The following LIMCH1 variants were observed in gnomAD, a reference collection of about 807,000 sequenced individuals.
LIMCH1 encodes LIM and calponin homology domains 1, also known as LIM and calponin homology domains-containing protein 1.
In LIMCH1, 113 loss-of-function variants were observed where a neutral mutation model predicts 176.5. The ratio of observed to expected loss-of-function variants is 0.64; its 90% CI spans 0.55 to 0.75. LIMCH1 has a LOEUF of 0.75. LIMCH1 is among the 30% of genes least tolerant of loss of function. The pLI is 0.00. For missense variants in LIMCH1, 1,674 were observed against 1,814.9 expected, an observed-to-expected ratio of 0.92 and a Z score of 1.41; for synonymous variants, 619 against 645.9, an observed-to-expected ratio of 0.96 and a Z score of 0.63.
chr4:41,588,741 C>G (rs2086930157), intron 1 of LIMCH1, among the ~76,000 whole-genome samples: 1 of 152,190 alleles, frequency 6.6e-6, no homozygotes, highest in African/African-American at 2.4e-5. Flanking sequence ...AGCTGGGCAA[C>G]CACAGGCCTC....
At chr4:41,404,304 G>T (rs567019013) in intron 1 of LIMCH1, among the ~76,000 whole-genome samples, 16 of 150,940 alleles carry the variant, frequency 1.1e-4, no homozygotes, top group Non-Finnish European at 2.1e-4. Flanking sequence ...CCACCTGCAG[G>T]TGGGGAGGGG....
chr4:41,455,601 T>C (rs2064488191), intron 1 of LIMCH1, among the ~76,000 whole-genome samples: 1 of 152,156 alleles, frequency 6.6e-6, no homozygotes, highest in South Asian at 2.1e-4. Flanking sequence ...AGTTATTTCA[T>C]ACGCTGCCTA....
At chr4:41,510,925 G>T (rs2074828958) in intron 2 of LIMCH1, among the ~76,000 whole-genome samples, 1 of 152,320 alleles carries the variant, frequency 6.6e-6, no homozygotes, top group Middle Eastern at 3.4e-3. Flanking sequence ...TGAAGAAATA[G>T]ACTTCCTTCT....
At chr4:41,448,535 A>AT (rs397880864) in intron 1 of LIMCH1, among the ~76,000 whole-genome samples, 23 of 149,166 alleles carry the variant, frequency 1.5e-4, no homozygotes, top group East Asian at 7.8e-4. Context: ...CAATTCATTA[A>AT]TTTTTTTTTT....
chr4:41,427,885 C>G (rs1398455629), intron 1 of LIMCH1, among the ~76,000 whole-genome samples: 1 of 151,298 alleles, frequency 6.6e-6, no homozygotes, highest in Non-Finnish European at 1.5e-5. Flanking sequence ...TTGTCTAGTC[C>G]TTAGAGCTTA....
chr4:41,663,852 T>TAAAAAAAAAAAAAAAAAA (rs34659309), intron 20 of LIMCH1, among the ~76,000 whole-genome samples: 2 of 82,762 alleles, frequency 2.4e-5, no homozygotes, highest in African/African-American at 5.3e-5. Flanking sequence ...TCTTCATCTC[T>TAAAAAAAAAAAAAAAAAA]AAAAAAAAAA....
intron 1 of LIMCH1, among the ~76,000 whole-genome samples, chr4:41,394,682 A>T (rs2154113235): frequency 1.3e-5 from 2 of 152,308 alleles, no homozygotes; most frequent in Middle Eastern, 3.4e-3. Context: ...TTCCCCTGGA[A>T]ATCACATGTT....
At chr4:41,411,188 G>A (rs913388059) in intron 1 of LIMCH1, among the ~76,000 whole-genome samples, 6 of 152,180 alleles carry the variant, frequency 3.9e-5, no homozygotes, top group Admixed American at 1.3e-4. Flanking sequence ...AGGCAGTCTG[G>A]CTCCAGAGCC....
intron 1 of LIMCH1, among the ~76,000 whole-genome samples, chr4:41,380,141 A>G (rs146493585): frequency 0.01 from 1,540 of 152,038 alleles, 25 homozygotes; most frequent in African/African-American, 0.036. Flanking sequence ...TACCACCACC[A>G]CCAAACAATA....
chr4:41,692,135 T>TG, intron 30 of LIMCH1, 147 bp from the exon 31 acceptor site: 2 of 587,096 alleles, frequency 3.4e-6, no homozygotes, highest in East Asian at 5.8e-5. Flanking sequence ...AAGTTGACAC[T>TG]GGTGCAGCAT....
intron 18 of LIMCH1, among the ~76,000 whole-genome samples, chr4:41,659,650 T>A (rs2094555682): frequency 6.6e-6 from 1 of 152,178 alleles, no homozygotes; most frequent in Admixed American, 6.5e-5. Flanking sequence ...ATGCCTTTTC[T>A]GAAACCAACT....
At chr4:41,462,084 C>T (rs1301190540) in intron 1 of LIMCH1, among the ~76,000 whole-genome samples, 1 of 152,126 alleles carries the variant, frequency 6.6e-6, no homozygotes, top group Non-Finnish European at 1.5e-5. Flanking sequence ...ATAAAGGGAA[C>T]GGTCTACTTG....
At chr4:41,440,467 G>A (rs2062578836) in intron 1 of LIMCH1, among the ~76,000 whole-genome samples, 1 of 152,104 alleles carries the variant, frequency 6.6e-6, no homozygotes, top group Non-Finnish European at 1.5e-5. Flanking sequence ...TCTTTGGCCT[G>A]AGATATTATA....
At chr4:41,459,211 G>A (rs2154151857) in intron 1 of LIMCH1, among the ~76,000 whole-genome samples, 1 of 152,252 alleles carries the variant, frequency 6.6e-6, no homozygotes, top group East Asian at 1.9e-4. Flanking sequence ...ATTTAGTTAG[G>A]ATGGTGTATT....
chr4:41,531,511 C>CACAA (rs1308230418), intron 3 of LIMCH1, among the ~76,000 whole-genome samples: 1 of 107,272 alleles, frequency 9.3e-6, no homozygotes, highest in African/African-American at 4.4e-5. Flanking sequence ...CACACACACA[C>CACAA]ACACATACAC....
rs1244378829 is a variant in LIMCH1 at position 41,605,965 on chromosome 4, C to T, written c.-31C>T. On this transcript the variant is annotated 5_prime_UTR_variant, in exon 4 of 32. Transcript: ENST00000503057. The stretch of plus-strand genomic sequence containing the variant: ...CATCCTACAGCGGAACGACACTAAA[C>T]CTGAAGGAGTTTGAAGGATTGTTGG... 1.9e-6 allele frequency: 3 copies of T among 1,613,688 alleles called. No homozygotes were observed. The highest frequency in any genetic ancestry group is 4.5e-5 in the East Asian group (2 of 44,876).
chr4:41,488,419 C>A (rs552161185), intron 1 of LIMCH1, among the ~76,000 whole-genome samples: 1 of 152,026 alleles, frequency 6.6e-6, no homozygotes, highest in Non-Finnish European at 1.5e-5. Flanking sequence ...TTCTTAATTT[C>A]TTTATTTTGG....
At chr4:41,474,671 A>G (rs552615339) in intron 1 of LIMCH1, among the ~76,000 whole-genome samples, 1 of 152,366 alleles carries the variant, frequency 6.6e-6, no homozygotes, top group African/African-American at 2.4e-5. Context: ...AAGACAATAG[A>G]TAACAAACAT....
In LIMCH1 at chr4:41,681,564, G is replaced by C. The variant is rs559590350; in HGVS notation, c.3717+505G>C. ...ACCTGTAGTCCCAGCTGCCTGGGAG[G>C]CTGAGGCAAAGGATCCCTTAAGCCA... On this transcript the variant is annotated intron_variant, in intron 25 of 31. Coordinates refer to ENST00000503057, the MANE Select transcript of LIMCH1 (RefSeq NM_001330672.2). Among the ~76,000 whole-genome samples, 4 of 152,202 alleles carry C rather than the reference G, an allele frequency of 2.6e-5. No individual in the cohort carries two copies. The East Asian group carries it at 7.7e-4, about 29-fold the overall frequency.
Sources: gnomAD v4.1 joint callset for allele counts (sites outside exome capture counted in the v4.1 genomes callset) on GRCh38, gnomAD v4.1.1 for gene constraint, MANE v1.5 for transcripts, NCBI Gene and HGNC (gene_info 2026-07-23, HGNC 2026-07-21) for gene names.